The following TNKS variants were observed in gnomAD, a reference collection of about 807,000 sequenced individuals.
The protein encoded by TNKS is poly [ADP-ribose] polymerase tankyrase-1.
TNKS carries 72 observed loss-of-function variants against 135.8 expected under a neutral mutation model. That is an observed-to-expected ratio of 0.53 (90% CI 0.44 to 0.64). The LOEUF is 0.64. Among genes scored for constraint, TNKS ranks in the 30% least tolerant of loss-of-function variants. TNKS has a pLI of 0.00. For synonymous variants in TNKS, 849 were observed against 649.3 expected (o/e 1.31, Z -4.68); for missense variants, 1,769 against 1,674.0 (o/e 1.06, Z -0.99).
At position 9,748,021 on chromosome 8, in the gene TNKS, C is replaced by T; in HGVS notation, c.2644-3C>T. On this transcript the variant is annotated splice_polypyrimidine_tract_variant and splice_region_variant and intron_variant, in intron 17 of 26. Transcript: ENST00000310430. ...CTCTTTGTATCCTTTTCTTTTTTTT[C>T]AGCATGTTGACATAGCGGCTTTATT... 1 of 1,595,688 alleles carries T rather than the reference C, an allele frequency of 6.3e-7. No homozygotes were observed. Among genetic ancestry groups the T allele is most frequent in the Non-Finnish European group, 8.5e-7 (1 of 1,172,050 alleles).
chr8:9,609,906 GGAGTGCAGT>G, intron 2 of TNKS, among the ~76,000 whole-genome samples: 1 of 152,010 alleles, frequency 6.6e-6, no homozygotes. Flanking sequence ...CGGCCAGGCT[GGAGTGCAGT>G]GGCACAATCT....
At chr8:9,679,495 A>T (rs1025362526) in intron 3 of TNKS, among the ~76,000 whole-genome samples, 3 of 151,948 alleles carry the variant, frequency 2.0e-5, no homozygotes, top group Non-Finnish European at 2.9e-5. Context: ...TTAACTTTCC[A>T]TGTCATTACC....
At chr8:9,584,964 C>G (rs1008481916) in intron 2 of TNKS, among the ~76,000 whole-genome samples, 8 of 151,918 alleles carry the variant, frequency 5.3e-5, no homozygotes, top group African/African-American at 1.9e-4. Context: ...GCCCAGCAAA[C>G]CAAGTGAAAA....
At chr8:9,704,854 C>A in intron 6 of TNKS, 97 bp downstream of exon 6, 1 of 857,372 alleles carries the variant, frequency 1.2e-6, no homozygotes, top group Non-Finnish European at 1.8e-6. Context: ...CCATTTGTTA[C>A]GGCTTACATA....
intron 3 of TNKS, among the ~76,000 whole-genome samples, chr8:9,635,540 G>A (rs772204371): frequency 1.1e-4 from 16 of 152,190 alleles, no homozygotes; most frequent in African/African-American, 7.2e-5. Context: ...ATAATTATAT[G>A]ATTCTCAGCA....
intron 1 of TNKS, among the ~76,000 whole-genome samples, chr8:9,571,264 C>T (rs2129051484): frequency 6.6e-6 from 1 of 152,238 alleles, no homozygotes; most frequent in South Asian, 2.1e-4. Flanking sequence ...AGGTACCTAT[C>T]TATATTTAGC....
intron 24 of TNKS, 25 bp downstream of exon 24, chr8:9,765,822 G>C (rs1471029257): frequency 6.3e-7 from 1 of 1,596,874 alleles, no homozygotes; most frequent in African/African-American, 1.3e-5. Flanking sequence ...AGGGACGGTG[G>C]ACGTCTCCCT....
rs575145037 is a variant in TNKS, at chr8:9,658,965, A to G, written c.995-20986A>G. Among the ~76,000 whole-genome samples the G allele has an allele frequency of 3.3e-5, 5 of 152,362 alleles. No homozygotes were observed. In the South Asian group the frequency reaches 1.0e-3, roughly 32 times the overall value. ...CTTGGATAAAACAGACTTTAAACCA[A>G]CCAAGATCAAAAGAGACAAAGAAGG... On this transcript the variant is annotated intron_variant, in intron 3 of 26. Coordinates refer to ENST00000310430, the MANE Select transcript of TNKS (RefSeq NM_003747.3).
chr8:9,692,685 A>G (rs1803334529), intron 5 of TNKS, among the ~76,000 whole-genome samples: 1 of 152,214 alleles, frequency 6.6e-6, no homozygotes, highest in African/African-American at 2.4e-5. Context: ...GAGGAGTCAT[A>G]CTTTTTGATA....
chr8:9,774,265 T>C (rs1286931904), intron 26 of TNKS, among the ~76,000 whole-genome samples: 1 of 152,204 alleles, frequency 6.6e-6, no homozygotes, highest in African/African-American at 2.4e-5. Context: ...CAATGCAGAA[T>C]TACTTAACCT....
intron 2 of TNKS, among the ~76,000 whole-genome samples, chr8:9,603,122 G>T (rs1367903909): frequency 6.6e-6 from 1 of 151,662 alleles, no homozygotes. Context: ...GCGCGATCTT[G>T]GCTCACTGCA....
At chr8:9,674,365 G>T (rs1802443166) in intron 3 of TNKS, among the ~76,000 whole-genome samples, 1 of 151,946 alleles carries the variant, frequency 6.6e-6, no homozygotes, top group African/African-American at 2.4e-5. Flanking sequence ...TATTTCACAT[G>T]TTTCATGGTA....
rs150721481 is a variant in TNKS, at chr8:9,666,809, C to A, written c.995-13142C>A. ...CTGCACATCTCAGTAGTCCAGAGAG[C>A]ATTGCTATATTATTCCAAAGGCTGG... On this transcript the variant is annotated intron_variant, in intron 3 of 26. Transcript: ENST00000310430. Among the ~76,000 whole-genome samples the A allele has an allele frequency of 7.2e-5, 11 of 151,916 alleles. No individual in the cohort carries two copies. In the East Asian group the frequency reaches 2.1e-3, roughly 29 times the overall value.
chr8:9,590,049 G>C (rs1798533973), intron 2 of TNKS, among the ~76,000 whole-genome samples: 2 of 152,164 alleles, frequency 1.3e-5, no homozygotes, highest in Non-Finnish European at 2.9e-5. Flanking sequence ...CAGAGCATTG[G>C]GGCCCTGTGC....
chr8:9,714,599 G>C (rs1335660462), intron 11 of TNKS, among the ~76,000 whole-genome samples: 1 of 152,124 alleles, frequency 6.6e-6, no homozygotes, highest in Non-Finnish European at 1.5e-5. Context: ...GAAAATACCA[G>C]TTTGAAAGTT....
intron 1 of TNKS, among the ~76,000 whole-genome samples, chr8:9,566,933 C>G (rs1797567841): frequency 6.6e-6 from 1 of 152,068 alleles, no homozygotes; most frequent in African/African-American, 2.4e-5. Flanking sequence ...TCATCAGAGT[C>G]CAAGGTCACA....
At chr8:9,743,549 T>C (rs1371947189) in intron 17 of TNKS, 1 of 152,180 alleles carries the variant, frequency 6.6e-6, no homozygotes, top group African/African-American at 2.4e-5. Flanking sequence ...CATTAACTAA[T>C]GTAAGGCATT....
At chr8:9,708,621 G>T (rs1039874711) in intron 9 of TNKS, 129 bp downstream of exon 9, 2 of 1,039,822 alleles carry the variant, frequency 1.9e-6, no homozygotes, top group Non-Finnish European at 2.6e-6. Flanking sequence ...TGTTAATTTT[G>T]GTTGCATTGA....
At chr8:9,573,413 T>G (rs1320641790) in intron 1 of TNKS, among the ~76,000 whole-genome samples, 1 of 152,218 alleles carries the variant, frequency 6.6e-6, no homozygotes, top group Non-Finnish European at 1.5e-5. Context: ...TGAACACAGT[T>G]TGAACATTTG....
Sources: gnomAD v4.1 joint callset for allele counts (sites outside exome capture counted in the v4.1 genomes callset) on GRCh38, gnomAD v4.1.1 for gene constraint, MANE v1.5 for transcripts, NCBI Gene and HGNC (gene_info 2026-07-23, HGNC 2026-07-21) for gene names.